CNTN5: variants seen among roughly 807,000 people sequenced by gnomAD.
CNTN5 encodes the protein contactin-5.
CNTN5 carries 77 observed loss-of-function variants against 129.1 expected under a neutral mutation model. The ratio of observed to expected loss-of-function variants is 0.60; its 90% confidence interval spans 0.50 to 0.72. The LOEUF (loss-of-function observed/expected upper bound fraction) is 0.72, where lower values mean the gene tolerates loss of function less well. CNTN5 is among the 30% of genes least tolerant of loss of function. The pLI is 0.00. For missense variants in CNTN5, 1,478 were observed against 1,328.8 expected (o/e 1.11, Z -1.75); for synonymous variants, 509 against 465.6 (o/e 1.09, Z -1.20).
At chr11:99,104,566 A>G (rs111578068) in intron 1 of CNTN5, among the ~76,000 whole-genome samples, 5,189 of 152,122 alleles carry the variant, frequency 0.034, 295 homozygotes, top group African/African-American at 0.12. Context: ...ATAAGTAGTT[A>G]AGTGATGGAT....
intron 6 of CNTN5, among the ~76,000 whole-genome samples, chr11:99,907,554 G>T (rs1409621985): frequency 6.6e-6 from 1 of 151,514 alleles, no homozygotes; most frequent in African/African-American, 2.4e-5. Flanking sequence ...GATTGGGGCT[G>T]TATACATATA....
At chr11:100,244,852 A>C (rs148907201) in intron 16 of CNTN5, among the ~76,000 whole-genome samples, 29 of 152,152 alleles carry the variant, frequency 1.9e-4, no homozygotes, top group African/African-American at 6.7e-4. Flanking sequence ...TTCCCAGTTG[A>C]TTTGTCACTT....
intron 6 of CNTN5, among the ~76,000 whole-genome samples, chr11:99,871,162 G>A (rs1031008828): frequency 1.3e-5 from 2 of 151,948 alleles, no homozygotes; most frequent in Non-Finnish European, 2.9e-5. Context: ...AGAACTAAGG[G>A]AAATATAATC....
At chr11:100,138,072 G>C (rs1591302936) in intron 13 of CNTN5, among the ~76,000 whole-genome samples, 2 of 152,078 alleles carry the variant, frequency 1.3e-5, no homozygotes, top group East Asian at 3.9e-4. Context: ...GAAGGACAGA[G>C]AGTCATCTGG....
intron 1 of CNTN5, among the ~76,000 whole-genome samples, chr11:99,037,001 T>C (rs1863769812): frequency 6.6e-6 from 1 of 152,098 alleles, no homozygotes; most frequent in African/African-American, 2.4e-5. Context: ...ATAAAATGCA[T>C]ATCTGTGAAA....
intron 1 of CNTN5, among the ~76,000 whole-genome samples, chr11:99,184,781 G>A (rs1858255071): frequency 6.6e-6 from 1 of 151,894 alleles, no homozygotes; most frequent in Non-Finnish European, 1.5e-5. Flanking sequence ...GTAGCTGGTT[G>A]GAAAATAATA....
chr11:99,879,582 G>C (rs1433217306), intron 6 of CNTN5, among the ~76,000 whole-genome samples: 1 of 151,660 alleles, frequency 6.6e-6, no homozygotes, highest in African/African-American at 2.4e-5. Context: ...TGCGAACTGT[G>C]TTTGAGTTTG....
chr11:99,960,636 A>T (rs1950918211), intron 8 of CNTN5, among the ~76,000 whole-genome samples: 1 of 152,192 alleles, frequency 6.6e-6, no homozygotes, highest in Admixed American at 6.5e-5. Flanking sequence ...AATGCAGTAT[A>T]GTTTGGATGT....
chr11:100,127,223 A>G (rs1291250865), intron 13 of CNTN5, among the ~76,000 whole-genome samples: 1 of 150,200 alleles, frequency 6.7e-6, no homozygotes, highest in East Asian at 2.0e-4. Context: ...TATAGGCATG[A>G]GCCACAGCAC....
chr11:100,225,094 G>T (rs972695548), intron 16 of CNTN5: 2 of 207,780 alleles, frequency 9.6e-6, no homozygotes, highest in South Asian at 2.9e-4. Context: ...AATCTAAACA[G>T]TTGAGCTACT....
intron 2 of CNTN5, among the ~76,000 whole-genome samples, chr11:99,379,896 T>TGCCAC (rs1940425604): frequency 6.6e-6 from 1 of 151,754 alleles, no homozygotes; most frequent in African/African-American, 2.4e-5. Context: ...ATATGTGCCA[T>TGCCAC]ATAAAGGTTT....
intron 2 of CNTN5, among the ~76,000 whole-genome samples, chr11:99,472,705 G>T (rs1048199510): frequency 6.6e-5 from 10 of 151,924 alleles, no homozygotes; most frequent in African/African-American, 2.4e-4. Context: ...GTCTCACTCG[G>T]TTGCCCAGGC....
chr11:100,004,576 G>T (rs1300800563), intron 9 of CNTN5, among the ~76,000 whole-genome samples: 1 of 152,178 alleles, frequency 6.6e-6, no homozygotes, highest in Non-Finnish European at 1.5e-5. Flanking sequence ...GATCCCAGAT[G>T]TAATCAGGAT....
chr11:100,200,272 C>T (rs753510094), intron 15 of CNTN5, among the ~76,000 whole-genome samples: 2 of 151,808 alleles, frequency 1.3e-5, no homozygotes, highest in South Asian at 2.1e-4. Context: ...ATGTGAAGTG[C>T]GTCTCTTCAC....
intron 1 of CNTN5, among the ~76,000 whole-genome samples, chr11:99,088,912 A>T (rs1048119274): frequency 6.6e-6 from 1 of 152,204 alleles, no homozygotes; most frequent in African/African-American, 2.4e-5. Context: ...TATTTATGTT[A>T]TACACAAAAG....
At chr11:99,351,148 C>A in intron 2 of CNTN5, among the ~76,000 whole-genome samples, 1 of 152,142 alleles carries the variant, frequency 6.6e-6, no homozygotes, top group African/African-American at 2.4e-5. Flanking sequence ...ACACATGTAA[C>A]CCAGAACTTA....
At chr11:100,046,008 C>T (rs2137708923) in intron 9 of CNTN5, among the ~76,000 whole-genome samples, 1 of 151,734 alleles carries the variant, frequency 6.6e-6, no homozygotes, top group Non-Finnish European at 1.5e-5. Flanking sequence ...GCACAATGTG[C>T]AGGTTAGTTA....
chr11:99,079,491 T>C (rs1410013053), intron 1 of CNTN5, among the ~76,000 whole-genome samples: 1 of 152,186 alleles, frequency 6.6e-6, no homozygotes, highest in East Asian at 1.9e-4. Flanking sequence ...CAAGTGAATC[T>C]ATGGGGCCAA....
At chr11:99,985,325 G>A (rs1473980508) in intron 8 of CNTN5, among the ~76,000 whole-genome samples, 1 of 152,146 alleles carries the variant, frequency 6.6e-6, no homozygotes, top group Non-Finnish European at 1.5e-5. Context: ...GAGCAGGAGA[G>A]GGGACAGGAC....
Sources: gnomAD v4.1 joint callset for allele counts (sites outside exome capture counted in the v4.1 genomes callset) on GRCh38, gnomAD v4.1.1 for gene constraint, MANE v1.5 for transcripts, NCBI Gene and HGNC (gene_info 2026-07-23, HGNC 2026-07-21) for gene names.